PTPRT: variants seen among roughly 807,000 people sequenced by gnomAD.
PTPRT encodes protein tyrosine phosphatase receptor type T.
Under a neutral mutation model 176.8 loss-of-function variants are expected in PTPRT, and 56 were observed. That is an observed-to-expected ratio of 0.32 (90% CI 0.26 to 0.40). The LOEUF (loss-of-function observed/expected upper bound fraction) is 0.40. Among genes scored for constraint, PTPRT ranks in the 10% least tolerant of loss-of-function variants. The pLI, the probability that PTPRT is intolerant of heterozygous loss-of-function variation, is 1.00. For synonymous variants in PTPRT, 783 were observed against 739.0 expected, an observed-to-expected ratio of 1.06 and a Z score of -0.96; for missense variants, 1,540 against 1,908.2, an observed-to-expected ratio of 0.81 and a Z score of 3.60.
chr20:42,096,692 T>A (rs896919296), intron 27 of PTPRT, among the ~76,000 whole-genome samples: 1 of 150,168 alleles, frequency 6.7e-6, no homozygotes. Flanking sequence ...CAAGCAATCC[T>A]CCCGCCTCAG....
intron 14 of PTPRT, among the ~76,000 whole-genome samples, chr20:42,239,816 T>C (rs192488525): frequency 1.3e-5 from 2 of 152,246 alleles, no homozygotes; most frequent in African/African-American, 4.8e-5. Context: ...GGCACTGGGA[T>C]GTCAAAACGT....
At chr20:42,174,159 T>C (rs139068748) in intron 16 of PTPRT, among the ~76,000 whole-genome samples, 1 of 152,328 alleles carries the variant, frequency 6.6e-6, no homozygotes, top group Non-Finnish European at 1.5e-5. Context: ...TAAGAAGTTC[T>C]GCATGTGACT....
At chr20:42,953,053 C>G (rs1036222562) in intron 1 of PTPRT, among the ~76,000 whole-genome samples, 16 of 152,350 alleles carry the variant, frequency 1.1e-4, no homozygotes, top group African/African-American at 3.4e-4. Context: ...CCCCACCAGC[C>G]TTTCTCTTTT....
intron 16 of PTPRT, among the ~76,000 whole-genome samples, chr20:42,185,041 C>T (rs1990717905): frequency 1.3e-5 from 2 of 152,006 alleles, no homozygotes; most frequent in Admixed American, 1.3e-4. Context: ...CAGCATGGTC[C>T]AAATATCTTC....
At chr20:42,623,673 G>C (rs895238274) in intron 7 of PTPRT, among the ~76,000 whole-genome samples, 1 of 152,054 alleles carries the variant, frequency 6.6e-6, no homozygotes, top group Non-Finnish European at 1.5e-5. Context: ...CCACCCGGCA[G>C]AAACTCTGGC....
At chr20:42,214,793 C>G (rs1460814868) in intron 15 of PTPRT, among the ~76,000 whole-genome samples, 1 of 152,228 alleles carries the variant, frequency 6.6e-6, no homozygotes, top group African/African-American at 2.4e-5. Context: ...GCCCTCCTCC[C>G]TCTGGGTACA....
chr20:43,180,568 A>T (rs1427852909), intron 1 of PTPRT, among the ~76,000 whole-genome samples: 1 of 151,582 alleles, frequency 6.6e-6, no homozygotes, highest in East Asian at 1.9e-4. Context: ...GGTTCAAACG[A>T]TTCTCCTGCC....
At chr20:42,230,219 T>C (rs2056105742) in intron 15 of PTPRT, among the ~76,000 whole-genome samples, 1 of 152,182 alleles carries the variant, frequency 6.6e-6, no homozygotes, top group East Asian at 1.9e-4. Flanking sequence ...AGGAGTCCCA[T>C]GGAGTATCTG....
At chr20:42,389,269 GTA>G (rs1396622091) in intron 9 of PTPRT, among the ~76,000 whole-genome samples, 2 of 150,986 alleles carry the variant, frequency 1.3e-5, no homozygotes, top group African/African-American at 2.4e-5. Context: ...AGAACTTAAA[GTA>G]TAAAAAAAAA....
At chr20:42,215,896 T>C (rs1199783134) in intron 15 of PTPRT, among the ~76,000 whole-genome samples, 1 of 152,206 alleles carries the variant, frequency 6.6e-6, no homozygotes, top group Non-Finnish European at 1.5e-5. Context: ...CATTCCTTGC[T>C]GAGCTGAGGC....
chr20:43,070,545 A>G (rs564786077), intron 1 of PTPRT, among the ~76,000 whole-genome samples: 23 of 152,334 alleles, frequency 1.5e-4, no homozygotes, highest in African/African-American at 5.3e-4. Flanking sequence ...TTGTGGCACT[A>G]TTCACAATAG....
rs371955894 is a variant in PTPRT at position 42,405,641 on chromosome 20, C to T, written c.1560+42579G>A. Among the ~76,000 whole-genome samples the T allele has an allele frequency of 5.9e-5, 9 of 152,194 alleles. 1 individual carries two copies. Among genetic ancestry groups the T allele is most frequent in the East Asian group, 5.8e-4 (3 of 5,176 alleles). On this transcript the variant is annotated intron_variant, in intron 9 of 30. Coordinates refer to ENST00000373187, the MANE Select transcript of PTPRT (RefSeq NM_007050.6). ...AAGTCTTTGCCATTGTGAATAGTGC[C>T]GCAATAAACATATGTGTGCATGTGT...
At chr20:42,859,889 G>A (rs2078632103) in intron 2 of PTPRT, among the ~76,000 whole-genome samples, 1 of 152,116 alleles carries the variant, frequency 6.6e-6, no homozygotes, top group South Asian at 2.1e-4. Flanking sequence ...ACCGTGCCCA[G>A]CCAGTTTGAT....
chr20:42,655,873 C>A (rs1476220843), intron 7 of PTPRT, among the ~76,000 whole-genome samples: 3 of 152,140 alleles, frequency 2.0e-5, no homozygotes, highest in Non-Finnish European at 4.4e-5. Flanking sequence ...GGCATAAGGA[C>A]TTGAAGTTCA....
At chr20:42,217,751 A>G (rs2055808947) in intron 15 of PTPRT, among the ~76,000 whole-genome samples, 1 of 152,176 alleles carries the variant, frequency 6.6e-6, no homozygotes, top group African/African-American at 2.4e-5. Flanking sequence ...ACTCCCAGGC[A>G]TGTCAATAAA....
At chr20:42,514,135 G>A (rs559034773) in intron 7 of PTPRT, among the ~76,000 whole-genome samples, 1 of 152,236 alleles carries the variant, frequency 6.6e-6, no homozygotes, top group South Asian at 2.1e-4. Flanking sequence ...GTTTATTTAG[G>A]TTAGCTCCTC....
intron 16 of PTPRT, 84 bp downstream of exon 16, chr20:42,199,156 G>A: frequency 6.7e-7 from 1 of 1,497,880 alleles, no homozygotes; most frequent in African/African-American, 1.4e-5. Flanking sequence ...GGCAGCACCT[G>A]ATCAATGTGT....
At chr20:43,175,692 G>A (rs2015111632) in intron 1 of PTPRT, among the ~76,000 whole-genome samples, 1 of 107,540 alleles carries the variant, frequency 9.3e-6, no homozygotes, top group Non-Finnish European at 2.1e-5. Context: ...GCGAGACCCC[G>A]GGCTCTGACT....
At chr20:42,978,149 T>C (rs895233066) in intron 1 of PTPRT, among the ~76,000 whole-genome samples, 20 of 152,252 alleles carry the variant, frequency 1.3e-4, no homozygotes, top group African/African-American at 4.8e-4. Context: ...CGTTTTGTCC[T>C]GAACATACAT....
Sources: allele counts gnomAD v4.1 joint callset (sites outside exome capture counted in the v4.1 genomes callset), GRCh38; gene constraint gnomAD v4.1.1; transcripts MANE v1.5; gene names NCBI Gene and HGNC (gene_info 2026-07-23, HGNC 2026-07-21).